Variants in GPC6 observed in about 807,000 individuals in gnomAD.
The protein encoded by GPC6 is glypican 6.
GPC6 carries 14 observed loss-of-function variants against 55.2 expected under a neutral mutation model. The ratio of observed to expected loss-of-function variants is 0.25; its 90% CI spans 0.17 to 0.40. The LOEUF (loss-of-function observed/expected upper bound fraction) is 0.40, where lower values mean the gene tolerates loss of function less well. Ranked by LOEUF, GPC6 falls within the 10% of genes least tolerant of loss-of-function variation. GPC6 has a pLI of 1.00. For synonymous variants in GPC6, 278 were observed against 259.6 expected (o/e 1.07, Z -0.68); for missense variants, 641 against 708.5 (o/e 0.90, Z 1.08).
chr13:93,894,065 C>T (rs1304506346), intron 3 of GPC6, among the ~76,000 whole-genome samples: 1 of 152,148 alleles, frequency 6.6e-6, no homozygotes, highest in African/African-American at 2.4e-5. Context: ...ACCCTGTGGT[C>T]ACTATGATGA....
At chr13:94,382,049 T>C (rs769794852) in intron 6 of GPC6, among the ~76,000 whole-genome samples, 8 of 152,216 alleles carry the variant, frequency 5.3e-5, no homozygotes, top group Non-Finnish European at 1.0e-4. Flanking sequence ...TTGTCTGACA[T>C]GCAAGCAAAT....
chr13:94,170,765 T>C (rs1888538646), intron 4 of GPC6, among the ~76,000 whole-genome samples: 1 of 152,138 alleles, frequency 6.6e-6, no homozygotes, highest in Non-Finnish European at 1.5e-5. Context: ...GTAAATTGAA[T>C]TTGCTTAGGT....
intron 6 of GPC6, among the ~76,000 whole-genome samples, chr13:94,336,078 T>G (rs1877682107): frequency 6.6e-6 from 1 of 152,050 alleles, no homozygotes; most frequent in East Asian, 1.9e-4. Context: ...CTGCAAAGCA[T>G]TTTGCTGGTA....
intron 4 of GPC6, among the ~76,000 whole-genome samples, chr13:94,045,650 A>G (rs1883704902): frequency 6.6e-6 from 1 of 151,792 alleles, no homozygotes; most frequent in African/African-American, 2.4e-5. Flanking sequence ...AGGAAAGGAC[A>G]CAGACTTTGG....
chr13:94,302,015 A>G (rs369278511), intron 5 of GPC6, among the ~76,000 whole-genome samples: 45 of 152,308 alleles, frequency 3.0e-4, no homozygotes, highest in African/African-American at 1.0e-3. Flanking sequence ...GCCTAACTAT[A>G]CTGCTGCTAG....
chr13:93,745,597 A>G (rs1217373622), intron 2 of GPC6, among the ~76,000 whole-genome samples: 1 of 152,226 alleles, frequency 6.6e-6, no homozygotes, highest in Non-Finnish European at 1.5e-5. Flanking sequence ...AGTGGTACAC[A>G]TTCAGAAGAA....
intron 4 of GPC6, among the ~76,000 whole-genome samples, chr13:94,093,138 T>A (rs1001308762): frequency 3.3e-5 from 5 of 152,160 alleles, no homozygotes; most frequent in Non-Finnish European, 7.4e-5. Context: ...TTTGTCTATT[T>A]TTGCTTTTGT....
chr13:94,372,502 C>T (rs1879606337), intron 6 of GPC6, among the ~76,000 whole-genome samples: 2 of 152,196 alleles, frequency 1.3e-5, no homozygotes, highest in Non-Finnish European at 2.9e-5. Context: ...TGCACTTTTC[C>T]GACGGGCTTA....
At chr13:93,742,666 G>A (rs1313843358) in intron 2 of GPC6, among the ~76,000 whole-genome samples, 3 of 152,240 alleles carry the variant, frequency 2.0e-5, no homozygotes, top group South Asian at 2.1e-4. Context: ...GTTCTTGGCC[G>A]TGTCTATATA....
intron 6 of GPC6, among the ~76,000 whole-genome samples, chr13:94,336,957 T>A (rs942191673): frequency 2.6e-5 from 4 of 152,308 alleles, no homozygotes; most frequent in Admixed American, 2.6e-4. Flanking sequence ...TTTTATGATA[T>A]CTCAGTAAAA....
intron 2 of GPC6, among the ~76,000 whole-genome samples, chr13:93,572,295 A>G (rs978008204): frequency 3.9e-5 from 6 of 152,166 alleles, no homozygotes; most frequent in South Asian, 4.1e-4. Flanking sequence ...GAGTTAATTC[A>G]TGATTCAGAA....
In GPC6 at chr13:93,439,694, A is replaced by AAAAAT. The variant is rs57815842; in HGVS notation, c.161-105544_161-105540dup. Among the ~76,000 whole-genome samples, 329 of 146,618 alleles carry AAAAAT rather than the reference A, an allele frequency of 2.2e-3. 3 individuals carry two copies. The highest frequency in any genetic ancestry group is 6.8e-3 in the African/African-American group (271 of 39,958). The stretch of plus-strand genomic sequence containing the variant: ...AATAAAATAAAATAAAATAAATAAA[A>AAAAAT]AAAATAAAATAAAATAAAATAAAAT... On this transcript the variant is annotated intron_variant, in intron 1 of 8. Coordinates refer to ENST00000377047, the MANE Select transcript of GPC6 (RefSeq NM_005708.5).
At chr13:94,212,443 T>A (rs1273438675) in intron 4 of GPC6, among the ~76,000 whole-genome samples, 1 of 152,200 alleles carries the variant, frequency 6.6e-6, no homozygotes, top group East Asian at 1.9e-4. Context: ...ACAAATATTA[T>A]TATCATCATT....
chr13:93,444,195 C>CTTTTTTT (rs10659977), intron 1 of GPC6, among the ~76,000 whole-genome samples: 159 of 110,676 alleles, frequency 1.4e-3, no homozygotes, highest in African/African-American at 4.6e-3. Flanking sequence ...TGCAATTCTT[C>CTTTTTTT]TTTTTTTTTT....
At chr13:94,153,536 C>T (rs959898117) in intron 4 of GPC6, among the ~76,000 whole-genome samples, 4 of 152,280 alleles carry the variant, frequency 2.6e-5, no homozygotes, top group Middle Eastern at 3.4e-3. Flanking sequence ...CATTTTTCCA[C>T]GACCCTCAGC....
At chr13:93,708,788 C>T (rs1221639907) in intron 2 of GPC6, among the ~76,000 whole-genome samples, 1 of 151,638 alleles carries the variant, frequency 6.6e-6, no homozygotes, top group African/African-American at 2.4e-5. Flanking sequence ...ATGCTACTGC[C>T]CTCATGGACT....
At chr13:93,360,558 C>T (rs945342242) in intron 1 of GPC6, among the ~76,000 whole-genome samples, 1 of 151,972 alleles carries the variant, frequency 6.6e-6, no homozygotes, top group Non-Finnish European at 1.5e-5. Flanking sequence ...CTATTGTGTG[C>T]TGTGTGTGTA....
At chr13:93,574,436 T>C (rs896308733) in intron 2 of GPC6, among the ~76,000 whole-genome samples, 3 of 152,132 alleles carry the variant, frequency 2.0e-5, no homozygotes, top group African/African-American at 7.2e-5. Flanking sequence ...GGAAGGATTA[T>C]TCTTTACATA....
chr13:93,448,829 A>G (rs1386643579), intron 1 of GPC6, among the ~76,000 whole-genome samples: 1 of 152,218 alleles, frequency 6.6e-6, no homozygotes, highest in Admixed American at 6.5e-5. Flanking sequence ...GCCTCAGAAG[A>G]CATTCCTGCT....
Sources: allele counts gnomAD v4.1 joint callset (sites outside exome capture counted in the v4.1 genomes callset), GRCh38; gene constraint gnomAD v4.1.1; transcripts MANE v1.5; gene names NCBI Gene and HGNC (gene_info 2026-07-23, HGNC 2026-07-21).